The following NRXN1 variants were observed in gnomAD, a reference collection of about 807,000 sequenced individuals.
NRXN1 encodes neurexin-1.
Under a neutral mutation model 150.9 loss-of-function variants are expected in NRXN1, and 39 were observed. That is an observed-to-expected ratio of 0.26 (90% confidence interval 0.20 to 0.34). The LOEUF (loss-of-function observed/expected upper bound fraction) is 0.34. Ranked by LOEUF, NRXN1 falls within the 10% of genes least tolerant of loss-of-function variation. The pLI is 1.00. For missense variants in NRXN1, 1,815 were observed against 1,949.9 expected (o/e 0.93, Z 1.30); for synonymous variants, 924 against 757.0 (o/e 1.22, Z -3.62).
chr2:50,115,725 G>C (rs1335116317), intron 18 of NRXN1, among the ~76,000 whole-genome samples: 1 of 151,980 alleles, frequency 6.6e-6, no homozygotes, highest in Non-Finnish European at 1.5e-5. Flanking sequence ...TTAACTTCTG[G>C]AAACTTTGCA....
chr2:50,440,559 CAAG>C (rs2085860175), intron 17 of NRXN1, among the ~76,000 whole-genome samples: 1 of 151,838 alleles, frequency 6.6e-6, no homozygotes, highest in African/African-American at 2.4e-5. Flanking sequence ...GAAAGGAGGA[CAAG>C]GAGGATAAGA....
intron 5 of NRXN1, among the ~76,000 whole-genome samples, chr2:50,660,327 G>C (rs1356630618): frequency 2.0e-5 from 3 of 151,988 alleles, no homozygotes; most frequent in Non-Finnish European, 2.9e-5. Flanking sequence ...TGTCTGCAAA[G>C]TCTAGGCTCT....
intron 17 of NRXN1, among the ~76,000 whole-genome samples, chr2:50,350,524 G>T (rs953089489): frequency 1.3e-5 from 2 of 152,156 alleles, no homozygotes; most frequent in East Asian, 1.9e-4. Context: ...CATTCTCTGC[G>T]TGTTTGCTAA....
At chr2:50,715,695 G>T (rs778162116) in intron 5 of NRXN1, among the ~76,000 whole-genome samples, 34 of 152,120 alleles carry the variant, frequency 2.2e-4, no homozygotes, top group Non-Finnish European at 4.3e-4. Flanking sequence ...TAGTTTGCAT[G>T]CAACACTCTC....
intron 17 of NRXN1, among the ~76,000 whole-genome samples, chr2:50,304,677 T>C (rs1021480986): frequency 9.6e-5 from 14 of 146,210 alleles, no homozygotes; most frequent in African/African-American, 3.5e-4. Context: ...TTCCTCTAAA[T>C]TTATCTTTTA....
chr2:50,501,938 G>A (rs1182541676), intron 13 of NRXN1, among the ~76,000 whole-genome samples: 1 of 152,166 alleles, frequency 6.6e-6, no homozygotes, highest in East Asian at 1.9e-4. Context: ...TTTGCATGAA[G>A]AGTCTCTAGT....
intron 8 of NRXN1, among the ~76,000 whole-genome samples, chr2:50,603,133 T>A (rs142652374): frequency 6.6e-6 from 1 of 152,330 alleles, no homozygotes; most frequent in African/African-American, 2.4e-5. Context: ...ACACAGAGCT[T>A]ATCCATCTAC....
intron 12 of NRXN1, among the ~76,000 whole-genome samples, chr2:50,515,685 G>A (rs536422961): frequency 3.3e-5 from 5 of 149,856 alleles, no homozygotes; most frequent in Admixed American, 3.3e-4. Context: ...AGGTTTCTAC[G>A]TATATCAACT....
At chr2:50,926,427 T>G (rs1325316795) in intron 2 of NRXN1, among the ~76,000 whole-genome samples, 1 of 152,016 alleles carries the variant, frequency 6.6e-6, no homozygotes, top group Non-Finnish European at 1.5e-5. Flanking sequence ...ATATTATCCA[T>G]ATGCCATTAC....
Position 50,826,991 on chromosome 2 carries a change from G to A in NRXN1, c.832+94878C>T, listed in dbSNP as rs572349271. Among the ~76,000 whole-genome samples the A allele has an allele frequency of 1.4e-4, 21 of 152,300 alleles. No homozygotes were observed. The South Asian group carries it at 3.7e-3, about 27-fold the overall frequency. On this transcript the variant is annotated intron_variant, in intron 5 of 22. Transcript: ENST00000401669. ...AGAAGTCAGCAAGAAAGGCCAAGAA[G>A]AGCAGTAGGTATGGAGGAGAACATA...
chr2:50,930,976 T>A (rs1192703843), intron 2 of NRXN1, among the ~76,000 whole-genome samples: 1 of 152,058 alleles, frequency 6.6e-6, no homozygotes, highest in Non-Finnish European at 1.5e-5. Flanking sequence ...GTTAAGAGAG[T>A]GAACTTAAAT....
At chr2:50,717,188 T>C (rs1695976551) in intron 5 of NRXN1, among the ~76,000 whole-genome samples, 1 of 152,230 alleles carries the variant, frequency 6.6e-6, no homozygotes, top group African/African-American at 2.4e-5. Context: ...TATATGTTAC[T>C]TCATTTTAAC....
chr2:50,460,414 G>A (rs539338400), intron 17 of NRXN1, among the ~76,000 whole-genome samples: 9 of 152,180 alleles, frequency 5.9e-5, no homozygotes, highest in African/African-American at 1.7e-4. Context: ...AACAGTGCAA[G>A]GGACTAACAT....
At chr2:50,819,006 T>C (rs1478200766) in intron 5 of NRXN1, among the ~76,000 whole-genome samples, 1 of 152,094 alleles carries the variant, frequency 6.6e-6, no homozygotes, top group Non-Finnish European at 1.5e-5. Context: ...ACGATGGCCA[T>C]AACCAAAACA....
At chr2:50,045,469 C>T (rs1003968218) in intron 21 of NRXN1, among the ~76,000 whole-genome samples, 3 of 152,150 alleles carry the variant, frequency 2.0e-5, no homozygotes, top group African/African-American at 7.2e-5. Context: ...CTCAGCCTCC[C>T]AAGTAGCTGG....
chr2:50,565,568 A>G (rs1669719637), intron 8 of NRXN1, among the ~76,000 whole-genome samples: 1 of 152,152 alleles, frequency 6.6e-6, no homozygotes, highest in Non-Finnish European at 1.5e-5. Context: ...ATGTCTTCTG[A>G]GTTCTGAAAA....
chr2:50,556,483 A>G (rs1269870174), intron 8 of NRXN1, among the ~76,000 whole-genome samples: 1 of 151,602 alleles, frequency 6.6e-6, no homozygotes, highest in Admixed American at 6.6e-5. Context: ...TTATAGAACC[A>G]AGGTTTCTTT....
intron 2 of NRXN1, among the ~76,000 whole-genome samples, chr2:51,001,660 AT>A (rs1700094914): frequency 6.6e-6 from 1 of 152,028 alleles, no homozygotes; most frequent in African/African-American, 2.4e-5. Flanking sequence ...AAAAAATAAA[AT>A]TCCCACAATT....
intron 17 of NRXN1, among the ~76,000 whole-genome samples, chr2:50,454,329 G>A (rs2087304447): frequency 6.6e-6 from 1 of 151,738 alleles, no homozygotes; most frequent in African/African-American, 2.4e-5. Context: ...CCATCTCGAA[G>A]TAAATAAATA....
Sources: allele counts gnomAD v4.1 joint callset (sites outside exome capture counted in the v4.1 genomes callset), GRCh38; gene constraint gnomAD v4.1.1; transcripts MANE v1.5; gene names NCBI Gene and HGNC (gene_info 2026-07-23, HGNC 2026-07-21).